Variants in ANKRD17 observed in about 807,000 individuals in gnomAD.
ANKRD17 encodes the protein ankyrin repeat domain 17.
A neutral mutation model predicts 229.7 loss-of-function variants in ANKRD17; 19 were observed. The ratio of observed to expected loss-of-function variants is 0.08; its 90% confidence interval spans 0.06 to 0.12. ANKRD17 has a LOEUF of 0.12. Ranked by LOEUF, ANKRD17 falls within the 10% of genes least tolerant of loss-of-function variation. The pLI is 1.00. For synonymous variants in ANKRD17, 1,112 were observed against 1,146.1 expected, an observed-to-expected ratio of 0.97 and a Z score of 0.60; for missense variants, 2,176 against 3,176.8, an observed-to-expected ratio of 0.68 and a Z score of 7.57.
At chr4:73,249,940 C>T (rs1337256560) in intron 1 of ANKRD17, among the ~76,000 whole-genome samples, 1 of 152,100 alleles carries the variant, frequency 6.6e-6, no homozygotes, top group Non-Finnish European at 1.5e-5. Context: ...TCATGGATTC[C>T]ATCTCTAGCC....
At chr4:73,208,215 T>G (rs1485407393) in intron 1 of ANKRD17, among the ~76,000 whole-genome samples, 5 of 148,062 alleles carry the variant, frequency 3.4e-5, no homozygotes, top group African/African-American at 5.0e-5. Flanking sequence ...AAAAAAAACT[T>G]GAACATTATT....
intron 1 of ANKRD17, among the ~76,000 whole-genome samples, chr4:73,225,477 T>TG (rs979957815): frequency 5.3e-5 from 8 of 152,206 alleles, no homozygotes; most frequent in African/African-American, 1.9e-4. Context: ...TATGTGATTA[T>TG]GGCTTTCTCA....
chr4:73,138,192 A>G (rs905289731), intron 15 of ANKRD17, among the ~76,000 whole-genome samples: 2 of 152,202 alleles, frequency 1.3e-5, no homozygotes, highest in African/African-American at 4.8e-5. Flanking sequence ...ACTCTCAATT[A>G]TTATAATCAG....
rs753164914 is a variant in ANKRD17, at chr4:73,121,684, C to A, written c.3568G>T (p.Ala1190Ser). ...ATGTTCACATAGCCACCAGAAGCAG[C>A]CAGACTTAGAGGTGTGTAATCAGAA... ...NVSDYTPLSLAASGGYVNIIK... is the reference protein window; with the variant it reads ...NVSDYTPLSLSASGGYVNIIK... The change falls in exon 19 of 34, where the codon GCT (alanine) becomes TCT (serine). Residue 1190 changes from alanine to serine, a missense_variant. Ala to Ser is a moderately conservative substitution (Grantham distance 99). This residue lies in a region of ANKRD17 where 178 missense variants were observed against 421.7 expected (regional missense o/e 0.42). Transcript: ENST00000358602. 4.3e-6 allele frequency: 7 copies of A among 1,613,706 alleles called. No individual in the cohort carries two copies. In the South Asian group the frequency reaches 7.7e-5, roughly 18 times the overall value.
Position 73,097,108 on chromosome 4 carries a change from A to G in ANKRD17, c.5177+9T>C, listed in dbSNP as rs1364676546. ...GCACATAAAAAGAATGACAAAAACA[A>G]TTACTCACCTTCTTACAACTTCTTT... is the stretch of plus-strand genomic sequence containing the variant. On this transcript the variant is annotated intron_variant, in intron 27 of 33. Coordinates refer to ENST00000358602, the MANE Select transcript of ANKRD17 (RefSeq NM_032217.5). The G allele has an allele frequency of 1.2e-6, 2 of 1,607,538 alleles. No homozygotes were observed. Among genetic ancestry groups the G allele is most frequent in the East Asian group, 4.5e-5 (2 of 44,416 alleles).
chr4:73,190,846 G>T (rs1403911514), intron 1 of ANKRD17, among the ~76,000 whole-genome samples: 1 of 151,854 alleles, frequency 6.6e-6, no homozygotes, highest in East Asian at 1.9e-4. Flanking sequence ...CAAGAAAAGT[G>T]TAAGACCTAC....
At position 73,076,111 on chromosome 4, in the gene ANKRD17, A is replaced by C. The variant is rs1008515592; in HGVS notation, c.*120T>G. The C allele has an allele frequency of 7.1e-6, 5 of 707,486 alleles. No individual in the cohort carries two copies. The highest frequency in any genetic ancestry group is 2.5e-4 in the Middle Eastern group (1 of 3,930). 43.8% of individuals were successfully genotyped at this position (707,486 alleles called of 1,614,324 possible). On this transcript the variant is annotated 3_prime_UTR_variant, in exon 34 of 34. Transcript: ENST00000358602. ...TCAGTTAGTAAGATCTTCTGCAAAAAGCCTACACACTTCAGTCAAGCACAT... is the reference window on the plus strand; with the variant it reads ...TCAGTTAGTAAGATCTTCTGCAAAACGCCTACACACTTCAGTCAAGCACAT...
chr4:73,116,638 T>C (rs1286870733), intron 22 of ANKRD17, among the ~76,000 whole-genome samples: 1 of 152,166 alleles, frequency 6.6e-6, no homozygotes, highest in Non-Finnish European at 1.5e-5. Flanking sequence ...AATGAATAGC[T>C]CAAATGCCAC....
intron 2 of ANKRD17, among the ~76,000 whole-genome samples, chr4:73,174,073 A>C (rs1734393494): frequency 8.6e-6 from 1 of 115,720 alleles, no homozygotes; most frequent in Non-Finnish European, 1.9e-5. Context: ...AGGGAGAAGG[A>C]AGGCGAGGGA....
chr4:73,184,201 TTAATAAA>T (rs1735961338), intron 1 of ANKRD17, among the ~76,000 whole-genome samples: 2 of 152,194 alleles, frequency 1.3e-5, no homozygotes, highest in African/African-American at 4.8e-5. Flanking sequence ...GTTCTGTAGT[TTAATAAA>T]CTCGTATTTA....
In ANKRD17 at chr4:73,078,532, AT is replaced by A. The variant is rs2110086436; in HGVS notation, c.7408+109del. On this transcript the variant is annotated intron_variant, in intron 31 of 33. Transcript: ENST00000358602. Reference sequence around the variant, plus strand: ...CAGCCTGAGCAACAAGTGAAACTCCATCTCAAAAAAAGAAAAAAAAAAAGGA... The same window carrying A: ...CAGCCTGAGCAACAAGTGAAACTCCACTCAAAAAAAGAAAAAAAAAAAGGA... The A allele has an allele frequency of 3.0e-6, 4 of 1,323,752 alleles. No individual in the cohort carries two copies. The South Asian group carries it at 6.1e-5, about 20-fold the overall frequency. 82.0% of individuals were successfully genotyped at this position (1,323,752 alleles called of 1,614,324 possible). A position where few individuals can be genotyped will look rare whatever the true frequency, so the allele number is the denominator to read the frequency against.
chr4:73,135,173 T>C lies in ANKRD17; in HGVS notation c.3178A>G (p.Ile1060Val). The C allele has an allele frequency of 1.9e-6, 3 of 1,613,852 alleles. No individual in the cohort carries two copies. The highest frequency in any genetic ancestry group is 1.7e-5 in the Admixed American group (1 of 60,006). ...GGAAGCATGGCTGAAGGAGAGATGA[T>C]AGGACTTGGAGTTGGAGTCTGAGGT... is the stretch of plus-strand genomic sequence containing the variant. The part of the protein sequence containing the change: ...SQPQTPTPSP[I>V]ISPSAMLPIY... The change falls in exon 16 of 34, where the codon ATC becomes GTC. Residue 1060 changes from isoleucine (I) to valine (V), a missense_variant. Ile to Val is a conservative substitution (Grantham distance 29). Coordinates refer to ENST00000358602, the MANE Select transcript of ANKRD17 (RefSeq NM_032217.5).
intron 22 of ANKRD17, among the ~76,000 whole-genome samples, chr4:73,118,075 G>T (rs1726204415): frequency 6.6e-6 from 1 of 151,992 alleles, no homozygotes; most frequent in African/African-American, 2.4e-5. Flanking sequence ...GGAGTGCGGT[G>T]GTGCAATCTC....
chr4:73,182,256 A>C (rs1735684699), intron 1 of ANKRD17, among the ~76,000 whole-genome samples: 1 of 152,014 alleles, frequency 6.6e-6, no homozygotes. Context: ...TTGTATTTAA[A>C]GTGGTTTGAA....
At chr4:73,222,624 A>T (rs1742005380) in intron 1 of ANKRD17, among the ~76,000 whole-genome samples, 1 of 152,186 alleles carries the variant, frequency 6.6e-6, no homozygotes, top group Admixed American at 6.5e-5. Context: ...ATATGATACT[A>T]AACCTTACTC....
chr4:73,130,711 T>C (rs1485928114), intron 16 of ANKRD17, among the ~76,000 whole-genome samples: 3 of 151,626 alleles, frequency 2.0e-5, no homozygotes, highest in Admixed American at 6.6e-5. Context: ...AGTTTAGGAA[T>C]ATAGGGAGGA....
intron 1 of ANKRD17, among the ~76,000 whole-genome samples, chr4:73,206,732 TAAGAAG>T (rs112059094): frequency 2.0e-5 from 3 of 152,090 alleles, no homozygotes; most frequent in African/African-American, 4.8e-5. Context: ...AATTTTCAGT[TAAGAAG>T]AAGAAGAAGT....
chr4:73,142,801 T>G, intron 11 of ANKRD17, 34 bp from the exon 12 acceptor site: 2 of 1,573,910 alleles, frequency 1.3e-6, no homozygotes, highest in South Asian at 1.2e-5. Context: ...ATCATATTAG[T>G]AGAATGGTTT....
intron 21 of ANKRD17, among the ~76,000 whole-genome samples, chr4:73,119,284 A>G (rs1726401899): frequency 6.6e-6 from 1 of 152,178 alleles, no homozygotes; most frequent in Admixed American, 6.5e-5. Context: ...TCAATATTCA[A>G]AGATGTAAAT....
Sources: gnomAD v4.1 joint callset for allele counts (sites outside exome capture counted in the v4.1 genomes callset) on GRCh38, gnomAD v4.1.1 for gene constraint, gnomAD v4.1.1 regional missense constraint, MANE v1.5 for transcripts, NCBI Gene and HGNC (gene_info 2026-07-23, HGNC 2026-07-21) for gene names.